Variants in FGF12 observed in about 807,000 individuals in gnomAD.
The protein encoded by FGF12 is fibroblast growth factor 12B.
A neutral mutation model predicts 23.6 loss-of-function variants in FGF12; 14 were observed. The observed-to-expected ratio is 0.59, with a 90% CI of 0.39 to 0.93. FGF12 has a LOEUF of 0.93. FGF12 is among the 40% of genes least tolerant of loss of function. The pLI, the probability that FGF12 is intolerant of heterozygous loss-of-function variation, is 0.00. For synonymous variants in FGF12, 62 were observed against 77.3 expected, an observed-to-expected ratio of 0.80 and a Z score of 1.04; for missense variants, 175 against 217.8, an observed-to-expected ratio of 0.80 and a Z score of 1.24.
At chr3:192,406,160 C>A (rs1390794777) in intron 2 of FGF12, among the ~76,000 whole-genome samples, 2 of 151,782 alleles carry the variant, frequency 1.3e-5, no homozygotes, top group African/African-American at 2.4e-5. Context: ...AAGGAAGAGC[C>A]CACAGGAAGC....
Position 192,525,705 on chromosome 3 carries a change from G to T in FGF12, c.14-165167C>A, listed in dbSNP as rs191728891. 4.2e-3 allele frequency among the ~76,000 whole-genome samples: 640 copies of T among 152,278 alleles called. 1 individual carries two copies. The highest frequency in any genetic ancestry group is 6.2e-3 in the Non-Finnish European group (425 of 68,012). The stretch of plus-strand genomic sequence containing the variant: ...AAGTTTGGTACATAAAACCTACGAT[G>T]ATTTGCTTGTCTTCTTTTATCTCCG... On this transcript the variant is annotated intron_variant, in intron 2 of 5. Transcript: ENST00000445105.
rs1179973971 is a variant in FGF12 at position 192,641,286 on chromosome 3, T to C, written c.13+85895A>G. Among the ~76,000 whole-genome samples, 3 of 93,932 alleles carry C rather than the reference T, an allele frequency of 3.2e-5. 1 individual carries two copies. The highest frequency in any genetic ancestry group is 1.1e-4 in the African/African-American group (3 of 26,352). The allele number at this position is 93,932 out of a possible 152,430, so 61.6% of individuals were successfully genotyped here. On this transcript the variant is annotated intron_variant, in intron 2 of 5. Coordinates refer to ENST00000445105, the MANE Select transcript of FGF12 (RefSeq NM_004113.6). ...ACGCCCGCCTAATTTTTTGTATTTTTAGTAGAGACGGGGTTTCACCGTTTT... is the reference window on the plus strand; with the variant it reads ...ACGCCCGCCTAATTTTTTGTATTTTCAGTAGAGACGGGGTTTCACCGTTTT...
At chr3:192,371,688 G>T (rs1483085353) in intron 2 of FGF12, among the ~76,000 whole-genome samples, 1 of 152,110 alleles carries the variant, frequency 6.6e-6, no homozygotes, top group Non-Finnish European at 1.5e-5. Context: ...ACTTTATGTG[G>T]ATTATCTCTG....
At chr3:192,456,126 C>T (rs908939436) in intron 2 of FGF12, among the ~76,000 whole-genome samples, 35 of 152,290 alleles carry the variant, frequency 2.3e-4, no homozygotes, top group Middle Eastern at 3.4e-3. Context: ...ATGATAAAAA[C>T]ATGGTAATGT....
intron 2 of FGF12, among the ~76,000 whole-genome samples, chr3:192,650,395 G>C (rs1295558899): frequency 6.6e-6 from 1 of 152,094 alleles, no homozygotes; most frequent in Non-Finnish European, 1.5e-5. Flanking sequence ...TCCACTACTG[G>C]AACTGCCATC....
intron 4 of FGF12, among the ~76,000 whole-genome samples, chr3:192,240,438 T>C (rs1204312076): frequency 6.6e-6 from 1 of 152,200 alleles, no homozygotes; most frequent in Non-Finnish European, 1.5e-5. Context: ...TGAAAACCAA[T>C]ATAAATATGT....
At chr3:192,365,362 G>C (rs910668094) in intron 2 of FGF12, among the ~76,000 whole-genome samples, 1 of 151,856 alleles carries the variant, frequency 6.6e-6, no homozygotes, top group African/African-American at 2.4e-5. Flanking sequence ...TAAATGTAAT[G>C]GGGTATTCTG....
rs1250780714 is a variant in FGF12, at chr3:192,360,555, T to G, written c.14-17A>C. On this transcript the variant is annotated splice_polypyrimidine_tract_variant and intron_variant, in intron 2 of 5. Transcript: ENST00000445105. This position sits in a 1 kb window ranked among gnomAD's most constrained non-coding sequence, Gnocchi z 4.3. The stretch of plus-strand genomic sequence containing the variant: ...GCTGGGGTTCTGCAAAACAAAATAA[T>G]TATTCAAATTTTTATTTGGCTTACA... The G allele has an allele frequency of 6.4e-7, 1 of 1,566,840 alleles. No homozygotes were observed. The highest frequency in any genetic ancestry group is 8.8e-7 in the Non-Finnish European group (1 of 1,137,192).
At chr3:192,236,417 G>A (rs1197670797) in intron 4 of FGF12, among the ~76,000 whole-genome samples, 1 of 152,082 alleles carries the variant, frequency 6.6e-6, no homozygotes, top group African/African-American at 2.4e-5. Flanking sequence ...ATCTTTGTTA[G>A]CTTTCTGCCT....
chr3:192,338,184 A>G (rs1221442843), intron 3 of FGF12, among the ~76,000 whole-genome samples: 1 of 151,976 alleles, frequency 6.6e-6, no homozygotes, highest in African/African-American at 2.4e-5. Flanking sequence ...CTGGAGTGCA[A>G]GCAATTCTCC....
intron 2 of FGF12, among the ~76,000 whole-genome samples, chr3:192,478,649 TAAGATAA>T (rs1723395664): frequency 6.6e-6 from 1 of 152,196 alleles, no homozygotes; most frequent in Admixed American, 6.5e-5. Flanking sequence ...TTCTTGTGAC[TAAGATAA>T]AATTTTCAAA....
At chr3:192,437,793 A>G (rs1444400602) in intron 2 of FGF12, among the ~76,000 whole-genome samples, 1 of 151,960 alleles carries the variant, frequency 6.6e-6, no homozygotes, top group Non-Finnish European at 1.5e-5. Flanking sequence ...TCTCTTTGTA[A>G]TCTGGAAGCT....
intron 2 of FGF12, among the ~76,000 whole-genome samples, chr3:192,652,696 T>C (rs1048770966): frequency 2.6e-5 from 4 of 152,196 alleles, no homozygotes; most frequent in African/African-American, 9.6e-5. Context: ...CCCAGAAGTC[T>C]GTGTTTTAGC....
rs549357783 is a variant in FGF12, at chr3:192,167,924, G to A, written c.427+2534C>T. 7.3e-5 allele frequency among the ~76,000 whole-genome samples: 11 copies of A among 150,450 alleles called. No homozygotes were observed. In the South Asian group the frequency reaches 2.1e-3, roughly 29 times the overall value. ...TGGGATTACCGGCACGTGCCACCAC[G>A]CCCGGTTAATTTTTGTATTTTTAGT... On this transcript the variant is annotated intron_variant, in intron 5 of 5. Transcript: ENST00000445105.
In FGF12 at chr3:192,170,929, G is replaced by A. The variant is rs116376457; in HGVS notation, c.229-273C>T. 0.011 allele frequency among the ~76,000 whole-genome samples: 1,695 copies of A among 152,270 alleles called. 31 individuals carry two copies. The highest frequency in any genetic ancestry group is 0.038 in the African/African-American group (1,592 of 41,556). On this transcript the variant is annotated intron_variant, in intron 4 of 5. Coordinates refer to ENST00000445105, the MANE Select transcript of FGF12 (RefSeq NM_004113.6). ...CATTCAGGACTGTGGCCAAGTCTGC[G>A]CTCCGATCCTAGCAATATGTTTTGT...
At chr3:192,452,080 A>T (rs1355995367) in intron 2 of FGF12, among the ~76,000 whole-genome samples, 1 of 152,188 alleles carries the variant, frequency 6.6e-6, no homozygotes, top group Non-Finnish European at 1.5e-5. Context: ...CGTATTCCCA[A>T]TTATAGCAGA....
At chr3:192,178,507 T>TC (rs1397605773) in intron 4 of FGF12, among the ~76,000 whole-genome samples, 1 of 151,388 alleles carries the variant, frequency 6.6e-6, no homozygotes, top group East Asian at 1.9e-4. Context: ...TCTAAACTCT[T>TC]TTTTTTTTCC....
chr3:192,480,637 A>G (rs911546131), intron 2 of FGF12, among the ~76,000 whole-genome samples: 2 of 152,184 alleles, frequency 1.3e-5, no homozygotes, highest in African/African-American at 4.8e-5. Context: ...CATGTATCTC[A>G]CTATGGGGAA....
chr3:192,143,082 G>A lies in FGF12; in HGVS notation c.*927C>T, dbSNP rs539723666. 6.6e-6 allele frequency: 1 copy of A among 151,874 alleles called. No homozygotes were observed. Among genetic ancestry groups the A allele is most frequent in the East Asian group, 1.9e-4 (1 of 5,148 alleles). The allele number at this position is 151,874 out of a possible 1,614,324, so 9.4% of individuals were successfully genotyped here. A position where few individuals can be genotyped will look rare whatever the true frequency, so the allele number is the denominator to read the frequency against. On this transcript the variant is annotated 3_prime_UTR_variant, in exon 6 of 6. Transcript: ENST00000445105. Reference sequence around the variant, plus strand: ...GTGTCCACACCTGAGACATTGCTTTGTGGATACTCTCAAAGGTGTCCACAA... The same window carrying A: ...GTGTCCACACCTGAGACATTGCTTTATGGATACTCTCAAAGGTGTCCACAA...
Sources: gnomAD v4.1 joint callset for allele counts (sites outside exome capture counted in the v4.1 genomes callset) on GRCh38, gnomAD v4.1.1 for gene constraint, Gnocchi (gnomAD v3.1) non-coding constraint, MANE v1.5 for transcripts, NCBI Gene and HGNC (gene_info 2026-07-23, HGNC 2026-07-21) for gene names.